The following SHOC1 variants were observed in gnomAD, a reference collection of about 807,000 sequenced individuals.
SHOC1 encodes the protein shortage in chiasmata 1.
A neutral mutation model predicts 179.2 loss-of-function variants in SHOC1; 136 were observed. That is an observed-to-expected ratio of 0.76 (90% CI 0.66 to 0.87). The LOEUF is 0.87. Ranked by LOEUF, SHOC1 falls within the 40% of genes least tolerant of loss-of-function variation. SHOC1 has a pLI of 0.00. For synonymous variants in SHOC1, 489 were observed against 586.6 expected (o/e 0.83, Z 2.41); for missense variants, 1,538 against 1,700.8 (o/e 0.90, Z 1.68).
rs576160580 is a variant in SHOC1, at chr9:111,716,482, G to A, written c.2236+1702C>T. 1.6e-4 allele frequency among the ~76,000 whole-genome samples: 23 copies of A among 141,766 alleles called. No homozygotes were observed. In the Admixed American group the frequency reaches 1.7e-3, roughly 10 times the overall value. The allele number at this position is 141,766 out of a possible 152,430, so 93.0% of individuals were successfully genotyped here. On this transcript the variant is annotated intron_variant, in intron 16 of 27. Coordinates refer to ENST00000682961, the MANE Select transcript of SHOC1 (RefSeq NM_001378211.1). ...CTTGGCTCACTGCAGCCTGTGCCTCGCGGGTTCAAGTGATCCTTCTGCCTC... is the reference window on the plus strand; with the variant it reads ...CTTGGCTCACTGCAGCCTGTGCCTCACGGGTTCAAGTGATCCTTCTGCCTC...
chr9:111,761,871 G>C (rs1835153918), intron 5 of SHOC1, among the ~76,000 whole-genome samples: 1 of 151,762 alleles, frequency 6.6e-6, no homozygotes, highest in Non-Finnish European at 1.5e-5. Context: ...CCATCACATT[G>C]GTTTAAATGT....
chr9:111,758,852 A>T lies in SHOC1; in HGVS notation c.443-4T>A. ...CCTTTATCATCAATAAATAAATCTG[A>T]AAAGAAATAAGAAATATAAAGGAAT... On this transcript the variant is annotated splice_region_variant and splice_polypyrimidine_tract_variant and intron_variant, in intron 5 of 27. Transcript: ENST00000682961. The T allele has an allele frequency of 2.8e-6, 4 of 1,432,156 alleles. No individual in the cohort carries two copies. Among genetic ancestry groups the T allele is most frequent in the Non-Finnish European group, 3.8e-6 (4 of 1,053,200 alleles). 88.7% of individuals were successfully genotyped at this position (1,432,156 alleles called of 1,614,324 possible). A position where few individuals can be genotyped will look rare whatever the true frequency, so the allele number is the denominator to read the frequency against.
At chr9:111,690,856 T>A (rs143769622) in intron 27 of SHOC1, among the ~76,000 whole-genome samples, 2 of 152,170 alleles carry the variant, frequency 1.3e-5, no homozygotes, top group African/African-American at 4.8e-5. Flanking sequence ...AAAAAACCTA[T>A]GAAAAAGAGA....
chr9:111,691,709 G>A lies in SHOC1; in HGVS notation c.4268C>T (p.Pro1423Leu). 6.2e-7 allele frequency: 1 copy of A among 1,613,918 alleles called. No homozygotes were observed. The highest frequency in any genetic ancestry group is 1.1e-5 in the South Asian group (1 of 91,076). The change falls in exon 27 of 28, where the codon CCA becomes CTA. Residue 1423 changes from proline (P) to leucine (L), a missense_variant. Pro to Leu is a moderately conservative substitution (Grantham distance 98). Coordinates refer to ENST00000682961, the MANE Select transcript of SHOC1 (RefSeq NM_001378211.1). ...AAATAAATCCAAACTGGGGACAGATGGTAATTCTCTCCAGAAAGTCTCATC... is the reference window on the plus strand; with the variant it reads ...AAATAAATCCAAACTGGGGACAGATAGTAATTCTCTCCAGAAAGTCTCATC... ...SKDETFWRELPSVPSLDLFRA... is the reference protein window; with the variant it reads ...SKDETFWRELLSVPSLDLFRA...
At chr9:111,776,950 C>T (rs560078568) in intron 4 of SHOC1, among the ~76,000 whole-genome samples, 1 of 152,314 alleles carries the variant, frequency 6.6e-6, no homozygotes, top group East Asian at 1.9e-4. Flanking sequence ...TTTATTATTA[C>T]TCAAATCAGT....
intron 10 of SHOC1, among the ~76,000 whole-genome samples, chr9:111,744,915 TA>T (rs1834203623): frequency 3.9e-5 from 6 of 152,226 alleles, no homozygotes; most frequent in Admixed American, 2.6e-4. Context: ...GATGCTGGGC[TA>T]TTAAGCTATG....
At chr9:111,728,452 A>T (rs990488722) in intron 12 of SHOC1, among the ~76,000 whole-genome samples, 2 of 152,236 alleles carry the variant, frequency 1.3e-5, no homozygotes, top group Non-Finnish European at 2.9e-5. Context: ...AGAACTCCTT[A>T]TAACTCTATA....
rs773373834 is a variant in SHOC1, at chr9:111,775,781, A to C, written c.442+10T>G. 2.5e-6 allele frequency: 4 copies of C among 1,589,822 alleles called. No individual in the cohort carries two copies. The highest frequency in any genetic ancestry group is 3.4e-6 in the Non-Finnish European group (4 of 1,170,484). On this transcript the variant is annotated intron_variant, in intron 5 of 27. Transcript: ENST00000682961. The stretch of plus-strand genomic sequence containing the variant: ...AAATGTTTTACAACAATATAAAATA[A>C]ACGTTTTACCTTGGTTCTGGTTTTG...
At chr9:111,735,411 A>G (rs990776395) in intron 12 of SHOC1, among the ~76,000 whole-genome samples, 2 of 151,518 alleles carry the variant, frequency 1.3e-5, no homozygotes, top group Non-Finnish European at 2.9e-5. Context: ...TTCAACTCTC[A>G]CTTTTGAGTG....
chr9:111,728,949 TAA>T (rs1833434034), intron 12 of SHOC1, among the ~76,000 whole-genome samples: 2 of 152,220 alleles, frequency 1.3e-5, no homozygotes, highest in South Asian at 4.1e-4. Flanking sequence ...AGTACAAATG[TAA>T]AAGTTATGTT....
intron 3 of SHOC1, among the ~76,000 whole-genome samples, chr9:111,785,123 G>T (rs1182121919): frequency 6.6e-6 from 1 of 152,074 alleles, no homozygotes; most frequent in Non-Finnish European, 1.5e-5. Flanking sequence ...CTTGAGTCAG[G>T]AACTTTGCAT....
intron 1 of SHOC1, among the ~76,000 whole-genome samples, chr9:111,792,379 T>C (rs1402351302): frequency 1.3e-5 from 2 of 151,554 alleles, no homozygotes; most frequent in Non-Finnish European, 2.9e-5. Flanking sequence ...GCCAAGAGTT[T>C]GAGACCAGCT....
chr9:111,746,678 T>A (rs1419716713), intron 9 of SHOC1, among the ~76,000 whole-genome samples: 1 of 151,996 alleles, frequency 6.6e-6, no homozygotes, highest in Non-Finnish European at 1.5e-5. Flanking sequence ...CTAAAAAAAA[T>A]AAATAAATAA....
chr9:111,793,488 G>A (rs1292055854), intron 1 of SHOC1, among the ~76,000 whole-genome samples: 2 of 152,036 alleles, frequency 1.3e-5, no homozygotes, highest in Non-Finnish European at 2.9e-5. Context: ...TTATATACAT[G>A]CTTAGAATCC....
In SHOC1 at chr9:111,705,196, C is replaced by CACACAT. The variant is rs151310646; in HGVS notation, c.2855+50_2855+51insATGTGT. 4,035 of 680,850 alleles carry CACACAT rather than the reference C, an allele frequency of 5.9e-3. 120 individuals carry two copies. The African/African-American group carries it at 0.067, about 11-fold the overall frequency. 42.2% of individuals were successfully genotyped at this position (680,850 alleles called of 1,614,324 possible). ...ACACACACACACACACACACACACACATATATATATAATGTACACTTTTGT... is the reference window on the plus strand; with the variant it reads ...ACACACACACACACACACACACACACACACATATATATATATAATGTACACTTTTGT... On this transcript the variant is annotated intron_variant, in intron 21 of 27. Transcript: ENST00000682961.
chr9:111,738,175 G>T, intron 12 of SHOC1, 105 bp downstream of exon 12: 1 of 1,036,122 alleles, frequency 9.7e-7, no homozygotes, highest in Non-Finnish European at 1.4e-6. Context: ...TATATGGAAT[G>T]CTAGAACCTA....
chr9:111,760,098 T>C (rs1336724510), intron 5 of SHOC1, among the ~76,000 whole-genome samples: 2 of 152,188 alleles, frequency 1.3e-5, no homozygotes, highest in Non-Finnish European at 2.9e-5. Flanking sequence ...TTAATTTATA[T>C]CCTATATCCA....
chr9:111,729,358 T>C lies in SHOC1; in HGVS notation c.1418-1309A>G, dbSNP rs530623056. Among the ~76,000 whole-genome samples, 7 of 152,230 alleles carry C rather than the reference T, an allele frequency of 4.6e-5. No individual in the cohort carries two copies. In the East Asian group the frequency reaches 7.8e-4, roughly 17 times the overall value. On this transcript the variant is annotated intron_variant, in intron 12 of 27. Coordinates refer to ENST00000682961, the MANE Select transcript of SHOC1 (RefSeq NM_001378211.1). ...CTTGGGCTCAAGTAATCCTCCCACA[T>C]TGGCCTCCCAAGTGCTGGAATTACA...
At chr9:111,780,798 C>A in intron 4 of SHOC1, 132 bp downstream of exon 4, 1 of 587,588 alleles carries the variant, frequency 1.7e-6, no homozygotes. Context: ...AAATTAGGAC[C>A]TTTTCTTCAG....
Sources: allele counts gnomAD v4.1 joint callset (sites outside exome capture counted in the v4.1 genomes callset), GRCh38; gene constraint gnomAD v4.1.1; transcripts MANE v1.5; gene names NCBI Gene and HGNC (gene_info 2026-07-23, HGNC 2026-07-21).